Variants in FRMPD2 observed in about 807,000 individuals in gnomAD.
FRMPD2 encodes the protein FERM and PDZ domain-containing protein 2.
Under a neutral mutation model 140.1 loss-of-function variants are expected in FRMPD2, and 96 were observed. The observed-to-expected ratio is 0.69, with a 90% CI of 0.58 to 0.81. FRMPD2 has a LOEUF of 0.81. FRMPD2 is among the 40% of genes least tolerant of loss of function. The probability of loss-of-function intolerance (pLI) is 0.00; values close to 1 mark genes in which losing one functional copy is unlikely to be tolerated. For synonymous variants in FRMPD2, 449 were observed against 547.6 expected (o/e 0.82, Z 2.52); for missense variants, 1,240 against 1,447.4 (o/e 0.86, Z 2.32).
intron 22 of FRMPD2, 71 bp downstream of exon 22, chr10:48,177,976 G>T (rs1399868221): frequency 4.5e-6 from 3 of 667,364 alleles, no homozygotes; most frequent in African/African-American, 3.6e-5. Flanking sequence ...TTGCCATCTG[G>T]GTGGAATGGC....
At position 48,157,178 on chromosome 10, in the gene FRMPD2, T is replaced by C. The variant is rs1837801143; in HGVS notation, c.*144A>G. On this transcript the variant is annotated 3_prime_UTR_variant, in exon 29 of 29. Transcript: ENST00000374201. Reference sequence around the variant, plus strand: ...ACGAGTGGTGAAGCTCATTATCTGGTGATGCAGCCGCAGACGTAATGGTCA... The same window carrying C: ...ACGAGTGGTGAAGCTCATTATCTGGCGATGCAGCCGCAGACGTAATGGTCA... The C allele has an allele frequency of 1.4e-6, 1 of 718,880 alleles. No homozygotes were observed. Among genetic ancestry groups the C allele is most frequent in the Non-Finnish European group, 2.6e-6 (1 of 385,688 alleles). 44.5% of individuals were successfully genotyped at this position (718,880 alleles called of 1,614,324 possible).
intron 1 of FRMPD2, among the ~76,000 whole-genome samples, chr10:48,263,071 G>A (rs1171560539): frequency 6.6e-6 from 1 of 151,754 alleles, no homozygotes; most frequent in African/African-American, 2.4e-5. Context: ...CAGCAAATGG[G>A]TCAAAAAGGA....
At chr10:48,266,056 C>T (rs57211602) in intron 1 of FRMPD2, among the ~76,000 whole-genome samples, 8,185 of 152,052 alleles carry the variant, frequency 0.054, 711 homozygotes, top group African/African-American at 0.19. Flanking sequence ...TGAGATAATG[C>T]CCCTTTCAGG....
chr10:48,271,725 T>C (rs17009551), intron 1 of FRMPD2, among the ~76,000 whole-genome samples: 41,444 of 152,168 alleles, frequency 0.27, 10,028 homozygotes, highest in African/African-American at 0.64. Context: ...GAAAGCAGAC[T>C]TCTGCCAGGA....
At chr10:48,228,560 A>G (rs1391718762) in intron 10 of FRMPD2, among the ~76,000 whole-genome samples, 1 of 151,970 alleles carries the variant, frequency 6.6e-6, no homozygotes, top group Non-Finnish European at 1.5e-5. Context: ...AAAATGTGCT[A>G]TGAGGAAGCA....
At chr10:48,159,019 G>T in intron 28 of FRMPD2, 1 of 352,340 alleles carries the variant, frequency 2.8e-6, no homozygotes, top group South Asian at 2.1e-5. Context: ...GAAGCAGATT[G>T]GGCATTTCAG....
chr10:48,231,382 G>A (rs1475438497), intron 10 of FRMPD2, among the ~76,000 whole-genome samples: 7 of 152,134 alleles, frequency 4.6e-5, no homozygotes, highest in Non-Finnish European at 4.4e-5. Flanking sequence ...AGGACAGCTC[G>A]CCACACAAGG....
rs1460635850 is a variant in FRMPD2 at position 48,180,966 on chromosome 10, G to T, written c.2627C>A (p.Ala876Asp). 9 of 1,002,776 alleles carry T rather than the reference G, an allele frequency of 9.0e-6. No individual in the cohort carries two copies. The East Asian group carries it at 1.9e-4, about 21-fold the overall frequency. 62.1% of individuals were successfully genotyped at this position (1,002,776 alleles called of 1,614,324 possible). ...NNPDEEKNST[A>D]NSGVSSTDIL... The stretch of plus-strand genomic sequence containing the variant: ...GTCTGTAGAGGAGACCCCAGAATTG[G>T]CTGTGCTATTCTTTTCTTCATCTGG... The change falls in exon 21 of 29, where the codon GCC becomes GAC. Residue 876 changes from alanine to aspartate, a missense_variant. By Grantham distance (126) the Ala-to-Asp change is moderately radical. Coordinates refer to ENST00000374201, the MANE Select transcript of FRMPD2 (RefSeq NM_001018071.4).
At chr10:48,200,181 TA>T (rs1416469337) in intron 15 of FRMPD2, among the ~76,000 whole-genome samples, 3 of 147,646 alleles carry the variant, frequency 2.0e-5, no homozygotes, top group Non-Finnish European at 4.5e-5. Context: ...AATAAATAAA[TA>T]AATAAATAAA....
chr10:48,172,817 T>C (rs191969564), intron 25 of FRMPD2, 129 bp downstream of exon 25: 3 of 849,806 alleles, frequency 3.5e-6, no homozygotes, highest in Non-Finnish European at 5.9e-6. Context: ...GATCTCAGCA[T>C]GATCACTATG....
chr10:48,201,392 A>G lies in FRMPD2; in HGVS notation c.1798-8T>C. 1 of 1,612,892 alleles carries G rather than the reference A, an allele frequency of 6.2e-7. No homozygotes were observed. On this transcript the variant is annotated splice_region_variant and splice_polypyrimidine_tract_variant and intron_variant, in intron 14 of 28. Coordinates refer to ENST00000374201, the MANE Select transcript of FRMPD2 (RefSeq NM_001018071.4). ...GATGGTGAACTTTTTTTGCTGAAGGAAGCAAACACAGACTTTAATACACTG... is the reference window on the plus strand; with the variant it reads ...GATGGTGAACTTTTTTTGCTGAAGGGAGCAAACACAGACTTTAATACACTG...
chr10:48,184,511 G>T, intron 20 of FRMPD2, 55 bp downstream of exon 20: 1 of 1,051,144 alleles, frequency 9.5e-7, no homozygotes, highest in Non-Finnish European at 1.5e-6. Flanking sequence ...CAGTAATCAT[G>T]TACTCCTGAA....
chr10:48,222,539 T>C, intron 11 of FRMPD2, 88 bp from the exon 12 acceptor site: 1 of 1,434,008 alleles, frequency 7.0e-7, no homozygotes, highest in Non-Finnish European at 9.6e-7. Flanking sequence ...TGTGGGAAGT[T>C]GGAAAAGTAG....
Position 48,175,072 on chromosome 10 carries a change from C to T in FRMPD2, c.2990-117G>A. 3 of 544,648 alleles carry T rather than the reference C, an allele frequency of 5.5e-6. No homozygotes were observed. In the South Asian group the frequency reaches 6.1e-5, roughly 11 times the overall value. The allele number at this position is 544,648 out of a possible 1,614,324, so 33.7% of individuals were successfully genotyped here. On this transcript the variant is annotated intron_variant, in intron 23 of 28. Transcript: ENST00000374201. ...CAGCCTGGAGAAGTGGGAAAGGAAGCTGAGGTGCCAGGTGTCCCCCTGGAG... is the reference window on the plus strand; with the variant it reads ...CAGCCTGGAGAAGTGGGAAAGGAAGTTGAGGTGCCAGGTGTCCCCCTGGAG...
intron 1 of FRMPD2, among the ~76,000 whole-genome samples, chr10:48,252,301 C>G (rs1264154675): frequency 2.0e-5 from 3 of 152,164 alleles, no homozygotes; most frequent in Non-Finnish European, 1.5e-5. Context: ...CTTCTCTTCC[C>G]TCTCTTCTGG....
rs921305788 is a variant in FRMPD2 at position 48,237,215 on chromosome 10, G to C, written c.922-662C>G. Among the ~76,000 whole-genome samples, 79 of 152,070 alleles carry C rather than the reference G, an allele frequency of 5.2e-4. 1 individual carries two copies. The highest frequency in any genetic ancestry group is 1.8e-3 in the African/African-American group (75 of 41,402). ...GTAGGGCTTCTATAGTGCCCCCAAGGGTACCTAGCAGGACTCTTGTCCCAA... is the reference window on the plus strand; with the variant it reads ...GTAGGGCTTCTATAGTGCCCCCAAGCGTACCTAGCAGGACTCTTGTCCCAA... On this transcript the variant is annotated intron_variant, in intron 8 of 28. Coordinates refer to ENST00000374201, the MANE Select transcript of FRMPD2 (RefSeq NM_001018071.4).
Position 48,244,821 on chromosome 10 carries a change from A to C in FRMPD2, c.338T>G (p.Leu113Arg). 1 of 1,613,470 alleles carries C rather than the reference A, an allele frequency of 6.2e-7. No homozygotes were observed. Among genetic ancestry groups the C allele is most frequent in the Non-Finnish European group, 8.5e-7 (1 of 1,179,348 alleles). The change falls in exon 4 of 29, where the codon CTC (leucine) becomes CGC (arginine). Residue 113 changes from leucine (L) to arginine (R), a missense_variant. Leu to Arg is a moderately radical substitution (Grantham distance 102). Coordinates refer to ENST00000374201, the MANE Select transcript of FRMPD2 (RefSeq NM_001018071.4). Reference sequence around the variant, plus strand: ...AACATGAAACCCTGCTGACCAGTAGAGGGTCATTCCTAAAGAATAGACATG... The same window carrying C: ...AACATGAAACCCTGCTGACCAGTAGCGGGTCATTCCTAAAGAATAGACATG... Reference protein sequence around the residue: ...QMHVYSLGMTLYWSAGFHVPP... With the variant: ...QMHVYSLGMTRYWSAGFHVPP...
rs1383496081 is a variant in FRMPD2 at position 48,249,235 on chromosome 10, C to T, written c.152-57G>A. On this transcript the variant is annotated intron_variant, in intron 2 of 28. Coordinates refer to ENST00000374201, the MANE Select transcript of FRMPD2 (RefSeq NM_001018071.4). The stretch of plus-strand genomic sequence containing the variant: ...ACAGAGCTTCCATCTGGGGTGCCAG[C>T]ATGGGACTGTGCCCAGCAGGTGCCT... 7 of 1,571,030 alleles carry T rather than the reference C, an allele frequency of 4.5e-6. No homozygotes were observed. In the East Asian group the frequency reaches 1.6e-4, roughly 35 times the overall value.
At chr10:48,248,120 GT>G (rs1303203493) in intron 3 of FRMPD2, among the ~76,000 whole-genome samples, 1 of 152,126 alleles carries the variant, frequency 6.6e-6, no homozygotes, top group Non-Finnish European at 1.5e-5. Context: ...CCTCCCGAGG[GT>G]AGCAGCATTT....
Sources: allele counts gnomAD v4.1 joint callset (sites outside exome capture counted in the v4.1 genomes callset), GRCh38; gene constraint gnomAD v4.1.1; transcripts MANE v1.5; gene names NCBI Gene and HGNC (gene_info 2026-07-23, HGNC 2026-07-21).